Variants in GABRG3 observed in about 807,000 individuals in gnomAD.
GABRG3 encodes gamma-aminobutyric acid type A receptor subunit gamma3, also known as gamma-aminobutyric acid receptor subunit gamma-3.
Under a neutral mutation model 48.8 loss-of-function variants are expected in GABRG3, and 25 were observed. The ratio of observed to expected loss-of-function variants is 0.51; its 90% CI spans 0.37 to 0.72. The LOEUF is 0.72. Among genes scored for constraint, GABRG3 ranks in the 30% least tolerant of loss-of-function variants. The pLI is 0.00. For synonymous variants in GABRG3, 227 were observed against 217.6 expected, an observed-to-expected ratio of 1.04 and a Z score of -0.38; for missense variants, 394 against 577.9, an observed-to-expected ratio of 0.68 and a Z score of 3.26.
At chr15:27,349,926 C>T (rs1894499609) in intron 5 of GABRG3, among the ~76,000 whole-genome samples, 1 of 42,138 alleles carries the variant, frequency 2.4e-5, no homozygotes, top group Admixed American at 4.1e-4. Flanking sequence ...TCCTTTACTG[C>T]CCTAAGGTCT....
intron 2 of GABRG3, among the ~76,000 whole-genome samples, chr15:26,997,362 T>C (rs984769005): frequency 6.6e-6 from 1 of 152,200 alleles, no homozygotes; most frequent in Non-Finnish European, 1.5e-5. Flanking sequence ...CTGCTGTTCT[T>C]TTTTTCCTGT....
At chr15:27,318,701 G>C (rs1021609024) in intron 3 of GABRG3, among the ~76,000 whole-genome samples, 1 of 152,198 alleles carries the variant, frequency 6.6e-6, no homozygotes, top group African/African-American at 2.4e-5. Context: ...CCTTCACACT[G>C]TTTCTAGCTG....
intron 6 of GABRG3, among the ~76,000 whole-genome samples, chr15:27,490,458 C>G (rs556488159): frequency 1.6e-4 from 24 of 152,260 alleles, no homozygotes; most frequent in Admixed American, 6.5e-5. Flanking sequence ...AGACTCTTGG[C>G]CAGACGTCCA....
intron 1 of GABRG3, among the ~76,000 whole-genome samples, chr15:26,973,659 G>C (rs145056962): frequency 6.6e-6 from 1 of 152,174 alleles, no homozygotes; most frequent in Non-Finnish European, 1.5e-5. Context: ...ACACCCATGG[G>C]CATCATAAAA....
rs138886545 is a variant in GABRG3, at chr15:27,404,800, C to G, written c.575-75850C>G. ...GCAACAAGCCCTGTGCATAAGTGTC[C>G]TCTTCTGACTCTGACTGGTGAGGAG... is the stretch of plus-strand genomic sequence containing the variant. On this transcript the variant is annotated intron_variant, in intron 5 of 9. Coordinates refer to ENST00000615808, the MANE Select transcript of GABRG3 (RefSeq NM_033223.5). Among the ~76,000 whole-genome samples, 12 of 152,288 alleles carry G rather than the reference C, an allele frequency of 7.9e-5. No individual in the cohort carries two copies. The East Asian group carries it at 2.3e-3, about 29-fold the overall frequency.
At chr15:27,147,876 CAAAT>C (rs1194619762) in intron 3 of GABRG3, among the ~76,000 whole-genome samples, 1 of 151,422 alleles carries the variant, frequency 6.6e-6, no homozygotes, top group Non-Finnish European at 1.5e-5. Context: ...AGTGAGATTT[CAAAT>C]AAATAACTTT....
At position 26,990,777 on chromosome 15, in the gene GABRG3, C is replaced by T. The variant is rs568262588; in HGVS notation, c.202+13627C>T. Among the ~76,000 whole-genome samples the T allele has an allele frequency of 8.7e-5, 13 of 148,862 alleles. No individual in the cohort carries two copies. The East Asian group carries it at 2.4e-3, about 27-fold the overall frequency. On this transcript the variant is annotated intron_variant, in intron 2 of 9. Transcript: ENST00000615808. ...GTAGTAGTTCCATATTTTAAGGTCTCGGATTGAAACCTTTAATCCATTTTG... is the reference window on the plus strand; with the variant it reads ...GTAGTAGTTCCATATTTTAAGGTCTTGGATTGAAACCTTTAATCCATTTTG...
At chr15:27,374,305 G>A (rs543003702) in intron 5 of GABRG3, among the ~76,000 whole-genome samples, 1 of 151,598 alleles carries the variant, frequency 6.6e-6, no homozygotes, top group East Asian at 1.9e-4. Context: ...GCTAATTTTT[G>A]TATTTTTTGT....
At chr15:27,163,598 C>T (rs1887269193) in intron 3 of GABRG3, among the ~76,000 whole-genome samples, 1 of 152,090 alleles carries the variant, frequency 6.6e-6, no homozygotes, top group Non-Finnish European at 1.5e-5. Context: ...TACAGTGAGC[C>T]TACGATTGTG....
intron 3 of GABRG3, among the ~76,000 whole-genome samples, chr15:27,113,465 A>G (rs1426137906): frequency 6.6e-6 from 1 of 152,140 alleles, no homozygotes; most frequent in Non-Finnish European, 1.5e-5. Context: ...TGAATGCAGA[A>G]ACTGCAGTGG....
intron 3 of GABRG3, among the ~76,000 whole-genome samples, chr15:27,266,848 C>T (rs1041969830): frequency 3.9e-5 from 6 of 152,032 alleles, no homozygotes; most frequent in African/African-American, 1.4e-4. Flanking sequence ...TATAGACATA[C>T]AATTTATTTT....
intron 3 of GABRG3, among the ~76,000 whole-genome samples, chr15:27,068,926 A>G (rs1896781803): frequency 6.6e-6 from 1 of 152,206 alleles, no homozygotes. Flanking sequence ...TGTTCTGGGT[A>G]CCACATGCCA....
intron 3 of GABRG3, among the ~76,000 whole-genome samples, chr15:27,229,726 C>T (rs1889741751): frequency 6.6e-6 from 1 of 152,130 alleles, no homozygotes; most frequent in Non-Finnish European, 1.5e-5. Flanking sequence ...ATCTGCCCGC[C>T]TCGGACCCCC....
At chr15:27,286,388 C>T (rs531934480) in intron 3 of GABRG3, among the ~76,000 whole-genome samples, 2 of 152,318 alleles carry the variant, frequency 1.3e-5, no homozygotes, top group East Asian at 1.9e-4. Flanking sequence ...CCACTTTCCA[C>T]TTGGAAAGCT....
intron 3 of GABRG3, among the ~76,000 whole-genome samples, chr15:27,190,358 G>A (rs1028108272): frequency 2.6e-5 from 4 of 152,102 alleles, no homozygotes; most frequent in African/African-American, 9.7e-5. Context: ...TCTGGTCCTG[G>A]ACTCTTTTTG....
intron 5 of GABRG3, among the ~76,000 whole-genome samples, chr15:27,463,278 T>TGAAGA (rs1884504096): frequency 6.6e-6 from 1 of 152,220 alleles, no homozygotes; most frequent in Non-Finnish European, 1.5e-5. Context: ...TTGTTAAAAT[T>TGAAGA]CTATTGAAGA....
At chr15:27,482,217 A>C (rs1890116342) in intron 6 of GABRG3, among the ~76,000 whole-genome samples, 2 of 152,216 alleles carry the variant, frequency 1.3e-5, no homozygotes, top group Non-Finnish European at 2.9e-5. Context: ...ATTTTTAATA[A>C]GTTTTACAAC....
chr15:27,195,211 A>G (rs1027861595), intron 3 of GABRG3, among the ~76,000 whole-genome samples: 1 of 152,246 alleles, frequency 6.6e-6, no homozygotes, highest in Non-Finnish European at 1.5e-5. Context: ...CGACAATTTC[A>G]GCATCTGTAT....
chr15:27,130,348 C>A (rs1035632820), intron 3 of GABRG3, among the ~76,000 whole-genome samples: 5 of 152,094 alleles, frequency 3.3e-5, no homozygotes, highest in Admixed American at 6.6e-5. Flanking sequence ...TGTCAAAAAT[C>A]ATTTGACAAT....
Sources: allele counts gnomAD v4.1 joint callset (sites outside exome capture counted in the v4.1 genomes callset), GRCh38; gene constraint gnomAD v4.1.1; transcripts MANE v1.5; gene names NCBI Gene and HGNC (gene_info 2026-07-23, HGNC 2026-07-21).